The following RNF32 variants were observed in gnomAD, a reference collection of about 807,000 sequenced individuals.
RNF32 encodes ring finger protein 32.
In RNF32, 36 loss-of-function variants were observed where a neutral mutation model predicts 41.0. The observed-to-expected ratio is 0.88, with a 90% confidence interval of 0.67 to 1.16. RNF32 has a LOEUF of 1.16. RNF32 is among the 50% of genes most tolerant of loss of function. The probability of loss-of-function intolerance (pLI) is 0.00; values close to 1 mark genes in which losing one functional copy is unlikely to be tolerated. For synonymous variants in RNF32, 154 were observed against 160.9 expected (o/e 0.96, Z 0.32); for missense variants, 413 against 436.7 (o/e 0.95, Z 0.48).
intron 3 of RNF32, among the ~76,000 whole-genome samples, chr7:156,648,326 T>A (rs1159733214): frequency 6.6e-6 from 1 of 152,156 alleles, no homozygotes; most frequent in Non-Finnish European, 1.5e-5. Flanking sequence ...TTTGATGCTG[T>A]CTTCCTCTGA....
upstream of RNF32, chr7:156,640,363 G>A (rs1797115815): frequency 2.3e-6 from 1 of 443,858 alleles, no homozygotes; most frequent in Admixed American, 2.5e-5. Context: ...GCGTGGCTGC[G>A]CCCACAAAGC....
intron 3 of RNF32, among the ~76,000 whole-genome samples, chr7:156,650,441 C>T (rs1798565339): frequency 6.6e-6 from 1 of 152,252 alleles, no homozygotes; most frequent in Non-Finnish European, 1.5e-5. Flanking sequence ...CCCATTTCCA[C>T]TGACGCGCAG....
chr7:156,672,507 A>G (rs1490479589), intron 7 of RNF32, among the ~76,000 whole-genome samples: 1 of 152,204 alleles, frequency 6.6e-6, no homozygotes, highest in Non-Finnish European at 1.5e-5. Context: ...AGAGCATATG[A>G]GCTCTATTTC....
Position 156,654,594 on chromosome 7 carries a change from T to A in RNF32, c.293T>A (p.Ile98Asn), listed in dbSNP as rs751169002. 241 of 1,613,986 alleles carry A rather than the reference T, an allele frequency of 1.5e-4. 1 individual carries two copies. The Admixed American group carries it at 3.9e-3, about 26-fold the overall frequency. Residue 98 changes from isoleucine (I) to asparagine (N), a missense_variant, in exon 4 of 9, where the codon ATT becomes AAT. Coordinates refer to ENST00000317955, the MANE Select transcript of RNF32 (RefSeq NM_030936.4). The stretch of plus-strand genomic sequence containing the variant: ...ACTTTAGCACAGAAGTTGGGCCTCA[T>A]TGGGCCTCCACCACCTCCACTGTCA... The part of the protein sequence containing the change: ...PLTLAQKLGL[I>N]GPPPPPLSSD...
chr7:156,665,470 C>T (rs1482908410), intron 7 of RNF32, among the ~76,000 whole-genome samples: 2 of 152,198 alleles, frequency 1.3e-5, no homozygotes, highest in Non-Finnish European at 2.9e-5. Context: ...ATCTGGGGAA[C>T]AACAGTTTTT....
At chr7:156,643,686 T>A (rs1389396996) in intron 1 of RNF32, 115 bp from the exon 2 acceptor site, 8 of 618,780 alleles carry the variant, frequency 1.3e-5, no homozygotes, top group Non-Finnish European at 2.3e-5. Context: ...TGCCACCCTG[T>A]AGCAGGCATT....
At chr7:156,647,812 A>G (rs1198046617) in intron 3 of RNF32, among the ~76,000 whole-genome samples, 1 of 152,208 alleles carries the variant, frequency 6.6e-6, no homozygotes, top group African/African-American at 2.4e-5. Flanking sequence ...GTGTATAAGC[A>G]TTCTCCTTGC....
chr7:156,640,573 C>T (rs1459170411), upstream of RNF32: 4 of 401,696 alleles, frequency 1.0e-5, no homozygotes, highest in East Asian at 9.6e-5. Flanking sequence ...GGGGCGGGGG[C>T]CGGCGAGCAT....
intron 1 of RNF32, among the ~76,000 whole-genome samples, chr7:156,641,381 T>A (rs1797289410): frequency 6.6e-6 from 1 of 152,214 alleles, no homozygotes; most frequent in Non-Finnish European, 1.5e-5. Flanking sequence ...CTTGAGCGTT[T>A]AATACTGGGA....
At chr7:156,661,322 ATTT>A (rs112482414) in intron 7 of RNF32, among the ~76,000 whole-genome samples, 2 of 144,234 alleles carry the variant, frequency 1.4e-5, no homozygotes, top group African/African-American at 5.1e-5. Flanking sequence ...GGGCCTTAGG[ATTT>A]TTTTTTTTTT....
At chr7:156,647,653 G>A (rs1381253613) in intron 3 of RNF32, among the ~76,000 whole-genome samples, 1 of 152,290 alleles carries the variant, frequency 6.6e-6, no homozygotes, top group East Asian at 1.9e-4. Context: ...ACGTATGCAT[G>A]CATCTTTTTC....
intron 7 of RNF32, among the ~76,000 whole-genome samples, chr7:156,668,326 T>G (rs1801685193): frequency 1.3e-5 from 2 of 151,972 alleles, no homozygotes; most frequent in Admixed American, 1.3e-4. Flanking sequence ...AACAGAAAAA[T>G]CTAACAGTGA....
chr7:156,648,241 G>A (rs1245297633), intron 3 of RNF32, among the ~76,000 whole-genome samples: 3 of 152,204 alleles, frequency 2.0e-5, no homozygotes, highest in Non-Finnish European at 4.4e-5. Context: ...TGGATCTGGA[G>A]GTGCTGGAAG....
At chr7:156,644,430 C>A (rs377451616) in intron 2 of RNF32, 69 bp from the exon 3 acceptor site, 1 of 1,219,108 alleles carries the variant, frequency 8.2e-7, no homozygotes. Flanking sequence ...AGTATTGAAG[C>A]CTCAGTTCTC....
At chr7:156,658,958 C>T in intron 7 of RNF32, 1 of 1,517,902 alleles carries the variant, frequency 6.6e-7, no homozygotes, top group South Asian at 1.3e-5. Flanking sequence ...AAAATAGAAG[C>T]TGCCTATAAA....
chr7:156,658,087 G>A (rs754736206), intron 5 of RNF32, 41 bp from the exon 6 acceptor site: 1 of 1,588,818 alleles, frequency 6.3e-7, no homozygotes, highest in Admixed American at 1.7e-5. Flanking sequence ...TTGTTTATAA[G>A]TAATTACTTG....
At chr7:156,648,319 G>C (rs1386336098) in intron 3 of RNF32, among the ~76,000 whole-genome samples, 7 of 152,260 alleles carry the variant, frequency 4.6e-5, no homozygotes, top group Non-Finnish European at 1.0e-4. Flanking sequence ...GGAGATATTT[G>C]ATGCTGTCTT....
chr7:156,658,110 T>G lies in RNF32; in HGVS notation c.451-18T>G, dbSNP rs1800014493. On this transcript the variant is annotated intron_variant, in intron 5 of 8. Coordinates refer to ENST00000317955, the MANE Select transcript of RNF32 (RefSeq NM_030936.4). ...AAGTAATTACTTGTAAAATTTTAAGTGAAATGTTTTTCTTCAGGCATGTCT... is the reference window on the plus strand; with the variant it reads ...AAGTAATTACTTGTAAAATTTTAAGGGAAATGTTTTTCTTCAGGCATGTCT... 1 of 1,606,928 alleles carries G rather than the reference T, an allele frequency of 6.2e-7. No individual in the cohort carries two copies. The highest frequency in any genetic ancestry group is 1.3e-5 in the African/African-American group (1 of 74,326).
rs73744312 is a variant in RNF32 at position 156,672,660 on chromosome 7, A to G, written c.685-3036A>G. ...AGGCATCCTGTAGAGAGAGCGATAC[A>G]CTCACGTATGATAGAATATATGCAC... On this transcript the variant is annotated intron_variant, in intron 7 of 8. Coordinates refer to ENST00000317955, the MANE Select transcript of RNF32 (RefSeq NM_030936.4). Among the ~76,000 whole-genome samples the G allele has an allele frequency of 8.9e-3, 1,355 of 152,332 alleles. 20 individuals carry two copies. The highest frequency in any genetic ancestry group is 0.031 in the African/African-American group (1,306 of 41,570).
Sources: allele counts gnomAD v4.1 joint callset (sites outside exome capture counted in the v4.1 genomes callset), GRCh38; gene constraint gnomAD v4.1.1; transcripts MANE v1.5; gene names NCBI Gene and HGNC (gene_info 2026-07-23, HGNC 2026-07-21).